TMED3: variants seen among roughly 807,000 people sequenced by gnomAD.
TMED3 encodes transmembrane emp24 domain-containing protein 3.
In TMED3, 9 loss-of-function variants were observed where a neutral mutation model predicts 15.0. The observed-to-expected ratio is 0.60, with a 90% CI of 0.36 to 1.04. TMED3 has a LOEUF of 1.04. TMED3 is among the 50% of genes least tolerant of loss of function. The pLI, the probability that TMED3 is intolerant of heterozygous loss-of-function variation, is 0.01. For synonymous variants in TMED3, 117 were observed against 121.4 expected (o/e 0.96, Z 0.24); for missense variants, 267 against 278.9 (o/e 0.96, Z 0.30).
intron 2 of TMED3, among the ~76,000 whole-genome samples, chr15:79,399,195 G>C (rs922280626): frequency 2.6e-5 from 4 of 152,158 alleles, no homozygotes; most frequent in Admixed American, 2.6e-4. Context: ...ACAGGCATGA[G>C]CCACCACACC....
At chr15:79,311,493 C>A in intron 1 of TMED3, 76 bp downstream of exon 1, 3 of 1,483,362 alleles carry the variant, frequency 2.0e-6, no homozygotes, top group Non-Finnish European at 2.7e-6. Context: ...TAGCCCCTGA[C>A]TGGAGGCGCT....
chr15:79,387,354 T>C (rs1035058009), intron 2 of TMED3, among the ~76,000 whole-genome samples: 2 of 152,220 alleles, frequency 1.3e-5, no homozygotes, highest in Non-Finnish European at 2.9e-5. Context: ...GAATCAAATA[T>C]CTACATATGT....
At chr15:79,376,109 T>G (rs1567035684) in intron 2 of TMED3, among the ~76,000 whole-genome samples, 8 of 71,492 alleles carry the variant, frequency 1.1e-4, no homozygotes, top group African/African-American at 2.8e-4. Flanking sequence ...TTTTTTTTTT[T>G]TTTTTTTTTT....
chr15:79,340,732 T>G (rs2058848694), intron 2 of TMED3, among the ~76,000 whole-genome samples: 1 of 152,210 alleles, frequency 6.6e-6, no homozygotes, highest in Non-Finnish European at 1.5e-5. Flanking sequence ...CATTCATTAA[T>G]TTTCCAATAA....
chr15:79,378,768 T>C (rs1000686801), intron 2 of TMED3, among the ~76,000 whole-genome samples: 13 of 152,358 alleles, frequency 8.5e-5, no homozygotes, highest in Middle Eastern at 3.4e-3. Context: ...TCATATTCCA[T>C]TGATTAATTT....
Position 79,336,431 on chromosome 15 carries a change from G to T in TMED3, c.417+22426G>T, listed in dbSNP as rs949098584. On this transcript the variant is annotated intron_variant, in intron 2 of 2. Transcript: ENST00000424155. ...CCAGCACTTTGGGAGGCCGAGGTGGGTGGATCATTTGAGGTCAGCAGTTCG... is the reference window on the plus strand; with the variant it reads ...CCAGCACTTTGGGAGGCCGAGGTGGTTGGATCATTTGAGGTCAGCAGTTCG... 2.0e-5 allele frequency among the ~76,000 whole-genome samples: 3 copies of T among 152,178 alleles called. No individual in the cohort carries two copies. In the East Asian group the frequency reaches 5.8e-4, roughly 29 times the overall value.
downstream of TMED3, among the ~76,000 whole-genome samples, chr15:79,323,486 T>G (rs1327340610): frequency 6.6e-6 from 1 of 152,240 alleles, no homozygotes; most frequent in African/African-American, 2.4e-5. Flanking sequence ...AATTAAGTAC[T>G]GGGTATATAT....
intron 2 of TMED3, among the ~76,000 whole-genome samples, chr15:79,377,881 C>T (rs1338366252): frequency 6.6e-6 from 1 of 152,042 alleles, no homozygotes; most frequent in Non-Finnish European, 1.5e-5. Context: ...CTCCTGACCT[C>T]ATGATCCGCC....
At position 79,322,458 on chromosome 15, in the gene TMED3, C is replaced by A; in HGVS notation, c.*244C>A. On this transcript the variant is annotated 3_prime_UTR_variant, in exon 3 of 3. Coordinates refer to ENST00000299705, the MANE Select transcript of TMED3 (RefSeq NM_007364.4). ...CGCTGAAAAGACATTTACAACTAGGCCAGGGATTAGCCACTGTGGGAGGGT... is the reference window on the plus strand; with the variant it reads ...CGCTGAAAAGACATTTACAACTAGGACAGGGATTAGCCACTGTGGGAGGGT... The A allele has an allele frequency of 7.5e-7, 1 of 1,337,018 alleles. No homozygotes were observed. The highest frequency in any genetic ancestry group is 9.6e-7 in the Non-Finnish European group (1 of 1,044,010). 82.8% of individuals were successfully genotyped at this position (1,337,018 alleles called of 1,614,324 possible). A position where few individuals can be genotyped will look rare whatever the true frequency, so the allele number is the denominator to read the frequency against.
At chr15:79,369,590 C>A (rs1893298706) in intron 2 of TMED3, among the ~76,000 whole-genome samples, 1 of 152,188 alleles carries the variant, frequency 6.6e-6, no homozygotes, top group Admixed American at 6.5e-5. Flanking sequence ...AGCAACTAAC[C>A]CGCATTTCAG....
intron 2 of TMED3, among the ~76,000 whole-genome samples, chr15:79,365,154 C>T (rs1893207773): frequency 6.6e-6 from 1 of 152,238 alleles, no homozygotes; most frequent in African/African-American, 2.4e-5. Context: ...TCAGGGAACT[C>T]TCCTGTTTTG....
intron 2 of TMED3, among the ~76,000 whole-genome samples, chr15:79,336,736 A>T (rs941763503): frequency 1.2e-4 from 18 of 152,202 alleles, no homozygotes; most frequent in African/African-American, 4.3e-4. Context: ...ACAAAGAAAA[A>T]AACACATTAG....
intron 2 of TMED3, among the ~76,000 whole-genome samples, chr15:79,320,796 G>A (rs540932853): frequency 2.0e-5 from 3 of 152,322 alleles, no homozygotes; most frequent in South Asian, 2.1e-4. Context: ...TTACCGCACA[G>A]CTCTGTATGC....
exon 3 of TMED3, chr15:79,413,471 A>T (rs1469676962): frequency 6.6e-6 from 1 of 152,164 alleles, no homozygotes; most frequent in Non-Finnish European, 1.5e-5. Flanking sequence ...GCCTGTATTG[A>T]CTCCTTCAGT....
chr15:79,359,877 G>T (rs1346459029), intron 2 of TMED3, among the ~76,000 whole-genome samples: 1 of 152,052 alleles, frequency 6.6e-6, no homozygotes, highest in East Asian at 1.9e-4. Context: ...CTGCCCGTGG[G>T]TCTACACAGA....
chr15:79,352,294 A>G (rs1480691109), intron 2 of TMED3, among the ~76,000 whole-genome samples: 3 of 152,174 alleles, frequency 2.0e-5, no homozygotes, highest in Non-Finnish European at 4.4e-5. Context: ...ACCTGGCTTC[A>G]TCCCCAGAAG....
At chr15:79,377,682 C>T (rs1468986125) in intron 2 of TMED3, among the ~76,000 whole-genome samples, 2 of 137,744 alleles carry the variant, frequency 1.5e-5, no homozygotes, top group African/African-American at 2.7e-5. Flanking sequence ...GAGTCTCGCT[C>T]TTTCGCCCAG....
chr15:79,328,130 G>T (rs1876441), intron 2 of TMED3, among the ~76,000 whole-genome samples: 86,602 of 151,964 alleles, frequency 0.57, 24,927 homozygotes, highest in Middle Eastern at 0.69. Context: ...TGATTCAACA[G>T]TGGTTTAAAA....
At chr15:79,376,434 A>G (rs1489243165) in intron 2 of TMED3, among the ~76,000 whole-genome samples, 1 of 152,204 alleles carries the variant, frequency 6.6e-6, no homozygotes, top group Non-Finnish European at 1.5e-5. Flanking sequence ...GAATTACAAA[A>G]ACAACCCCAG....
Sources: allele counts gnomAD v4.1 joint callset (sites outside exome capture counted in the v4.1 genomes callset), GRCh38; gene constraint gnomAD v4.1.1; transcripts MANE v1.5; gene names NCBI Gene and HGNC (gene_info 2026-07-23, HGNC 2026-07-21).